The following UTS2B variants were observed in gnomAD, a reference collection of about 807,000 sequenced individuals.
The protein encoded by UTS2B is urotensin-2B.
In UTS2B, 21 loss-of-function variants were observed where a neutral mutation model predicts 19.2. The ratio of observed to expected loss-of-function variants is 1.09; its 90% CI spans 0.78 to 1.58. UTS2B has a LOEUF of 1.58. UTS2B is among the 40% of genes most tolerant of loss of function. UTS2B has a pLI of 0.00. For synonymous variants in UTS2B, 57 were observed against 50.2 expected (o/e 1.14, Z -0.58); for missense variants, 138 against 130.3 (o/e 1.06, Z -0.29).
At chr3:191,270,470 T>C (rs78051301) in intron 8 of UTS2B, among the ~76,000 whole-genome samples, 4,534 of 152,310 alleles carry the variant, frequency 0.03, 130 homozygotes, top group Middle Eastern at 0.13. Flanking sequence ...AGTAGTGGGA[T>C]TGCAGGTGTG....
At chr3:191,317,194 G>T (rs1343464279) in intron 2 of UTS2B, among the ~76,000 whole-genome samples, 2 of 152,338 alleles carry the variant, frequency 1.3e-5, no homozygotes, top group South Asian at 2.1e-4. Context: ...CCAGTGCGGC[G>T]CTCAGTGCTG....
intron 4 of UTS2B, among the ~76,000 whole-genome samples, chr3:191,285,791 T>C (rs2603681): frequency 0.72 from 108,456 of 151,500 alleles, 39,815 homozygotes; most frequent in African/African-American, 0.9. Context: ...CCCAGCTACT[T>C]GGGAAGCTGA....
chr3:191,282,311 G>T lies in UTS2B; in HGVS notation c.-122C>A. 1.6e-6 allele frequency: 1 copy of T among 629,222 alleles called. No individual in the cohort carries two copies. Among genetic ancestry groups the T allele is most frequent in the Non-Finnish European group, 2.8e-6 (1 of 358,146 alleles). 39.0% of individuals were successfully genotyped at this position (629,222 alleles called of 1,614,324 possible). On this transcript the variant is annotated splice_region_variant and 5_prime_UTR_variant, in exon 5 of 9. Transcript: ENST00000340524. ...AGGCAAGTGTGCCTCAGTTACGAAT[G>T]ATCTAGATGAAGGAAAAAGAAAGAA...
chr3:191,278,235 C>T lies in UTS2B; in HGVS notation c.104-65G>A. 3 of 823,736 alleles carry T rather than the reference C, an allele frequency of 3.6e-6. No individual in the cohort carries two copies. In the South Asian group the frequency reaches 5.7e-5, roughly 16 times the overall value. 51.0% of individuals were successfully genotyped at this position (823,736 alleles called of 1,614,324 possible). A position where few individuals can be genotyped will look rare whatever the true frequency, so the allele number is the denominator to read the frequency against. ...CGAAAATATTTCTAATTAAATTGGT[C>T]TTACAGGCTACTATCAATTTGTATA... On this transcript the variant is annotated intron_variant, in intron 5 of 8. Coordinates refer to ENST00000340524, the MANE Select transcript of UTS2B (RefSeq NM_198152.5).
chr3:191,301,645 C>T (rs984266506), intron 4 of UTS2B, among the ~76,000 whole-genome samples: 5 of 151,926 alleles, frequency 3.3e-5, no homozygotes, highest in Admixed American at 1.3e-4. Flanking sequence ...CGCCACCATG[C>T]CCGGCTAATT....
chr3:191,268,170 C>T lies in UTS2B; in HGVS notation c.*246G>A. 9.8e-6 allele frequency: 3 copies of T among 305,466 alleles called. No individual in the cohort carries two copies. Among genetic ancestry groups the T allele is most frequent in the Non-Finnish European group, 1.9e-5 (3 of 160,182 alleles). The allele number at this position is 305,466 out of a possible 1,614,324, so 18.9% of individuals were successfully genotyped here. A position where few individuals can be genotyped will look rare whatever the true frequency, so the allele number is the denominator to read the frequency against. ...GATAGGAATCTTGGTGATATGAAAC[C>T]TCCCTGACTGCACGTCCATTCATAG... On this transcript the variant is annotated 3_prime_UTR_variant, in exon 9 of 9. Coordinates refer to ENST00000340524, the MANE Select transcript of UTS2B (RefSeq NM_198152.5).
At chr3:191,313,982 C>A (rs555496183) in intron 3 of UTS2B, among the ~76,000 whole-genome samples, 1 of 152,132 alleles carries the variant, frequency 6.6e-6, no homozygotes, top group African/African-American at 2.4e-5. Context: ...CCACCCACCT[C>A]GACCTCCCAA....
Position 191,329,742 on chromosome 3 carries a change from G to A in UTS2B, c.-665+672C>T. The A allele has an allele frequency of 2.5e-6, 4 of 1,605,672 alleles. No homozygotes were observed. Among genetic ancestry groups the A allele is most frequent in the Non-Finnish European group, 3.4e-6 (4 of 1,176,850 alleles). On this transcript the variant is annotated intron_variant, in intron 1 of 8. Transcript: ENST00000340524. ...AAGGAAGGTAAGGGCCCCGGAGGGA[G>A]AGCGCGCGGGACCCTCCCCTCTCCC... is the stretch of plus-strand genomic sequence containing the variant.
Position 191,268,397 on chromosome 3 carries a change from T to G in UTS2B, c.*19A>C. Reference sequence around the variant, plus strand: ...TTTTCCTGATATTCTTATCTTTTTTTGCATCCAGAGAAAAAGCTTTAAACA... The same window carrying G: ...TTTTCCTGATATTCTTATCTTTTTTGGCATCCAGAGAAAAAGCTTTAAACA... On this transcript the variant is annotated 3_prime_UTR_variant, in exon 9 of 9. Transcript: ENST00000340524. The G allele has an allele frequency of 6.4e-7, 1 of 1,554,738 alleles. No individual in the cohort carries two copies.
intron 2 of UTS2B, among the ~76,000 whole-genome samples, chr3:191,317,224 C>T (rs1717484431): frequency 6.6e-6 from 1 of 152,232 alleles, no homozygotes; most frequent in Admixed American, 6.5e-5. Context: ...GTGCACTCTC[C>T]TCAGCTGCTG....
chr3:191,287,981 C>T (rs188632039), intron 4 of UTS2B, among the ~76,000 whole-genome samples: 27 of 152,114 alleles, frequency 1.8e-4, no homozygotes, highest in African/African-American at 5.3e-4. Flanking sequence ...AATCACTGGC[C>T]TCTGTATATA....
At chr3:191,342,515 A>G in the UTS2B span, among the ~76,000 whole-genome samples, 95 of 152,330 alleles carry the variant, frequency 6.2e-4, no homozygotes, top group South Asian at 1.0e-3. Flanking sequence ...ATATGAAGCC[A>G]ATAAACTAAA....
At chr3:191,274,589 A>G (rs982941279) in intron 8 of UTS2B, among the ~76,000 whole-genome samples, 1 of 152,224 alleles carries the variant, frequency 6.6e-6, no homozygotes, top group African/African-American at 2.4e-5. Context: ...AATGTCTGGT[A>G]TATGTTTAGG....
rs114415698 is a variant in UTS2B at position 191,323,186 on chromosome 3, G to A, written c.-586+5445C>T. Among the ~76,000 whole-genome samples, 169 of 151,346 alleles carry A rather than the reference G, an allele frequency of 1.1e-3. 1 individual carries two copies. Among genetic ancestry groups the A allele is most frequent in the African/African-American group, 3.8e-3 (157 of 41,164 alleles). ...ATTTTTGAGACAGACTCTCGCTGTC[G>A]CCCAGGCTAGAGTGCAGTGGAGTGC... On this transcript the variant is annotated intron_variant, in intron 2 of 8. Transcript: ENST00000340524.
At chr3:191,273,517 G>A (rs375769522) in intron 8 of UTS2B, 46 of 456,656 alleles carry the variant, frequency 1.0e-4, no homozygotes, top group South Asian at 6.7e-4. Context: ...CTTCTGTTTT[G>A]GCAATGTTGG....
At chr3:191,274,469 A>C (rs73888524) in intron 8 of UTS2B, among the ~76,000 whole-genome samples, 2,504 of 152,322 alleles carry the variant, frequency 0.016, 80 homozygotes, top group African/African-American at 0.055. Context: ...AGAGAAAATT[A>C]GATAACTCTC....
At chr3:191,297,609 T>C (rs1242629324) in intron 4 of UTS2B, among the ~76,000 whole-genome samples, 1 of 152,214 alleles carries the variant, frequency 6.6e-6, no homozygotes, top group Non-Finnish European at 1.5e-5. Context: ...TAAGTCAAAG[T>C]GTAGGTCTCC....
intron 4 of UTS2B, among the ~76,000 whole-genome samples, chr3:191,291,368 A>G (rs1482975762): frequency 1.3e-5 from 2 of 152,162 alleles, no homozygotes; most frequent in Non-Finnish European, 2.9e-5. Context: ...ATAAGAAACT[A>G]TTAGCTACTT....
intron 2 of UTS2B, among the ~76,000 whole-genome samples, chr3:191,317,973 T>G (rs1397402634): frequency 6.6e-6 from 1 of 152,222 alleles, no homozygotes; most frequent in African/African-American, 2.4e-5. Flanking sequence ...TCAAGGCTTA[T>G]AAGTCTCAGA....
Sources: gnomAD v4.1 joint callset for allele counts (sites outside exome capture counted in the v4.1 genomes callset) on GRCh38, gnomAD v4.1.1 for gene constraint, MANE v1.5 for transcripts, NCBI Gene and HGNC (gene_info 2026-07-23, HGNC 2026-07-21) for gene names.